CLASP1: variants seen among roughly 807,000 people sequenced by gnomAD.
CLASP1 encodes the protein cytoplasmic linker associated protein 1, also known as CLIP-associating protein 1.
CLASP1 carries 38 observed loss-of-function variants against 192.3 expected under a neutral mutation model. The ratio of observed to expected loss-of-function variants is 0.20; its 90% confidence interval spans 0.15 to 0.26. The LOEUF (loss-of-function observed/expected upper bound fraction) is 0.26. CLASP1 is among the 10% of genes least tolerant of loss of function. The probability of loss-of-function intolerance (pLI) is 1.00; values close to 1 mark genes in which losing one functional copy is unlikely to be tolerated. For missense variants in CLASP1, 1,433 were observed against 1,932.5 expected, an observed-to-expected ratio of 0.74 and a Z score of 4.85; for synonymous variants, 691 against 712.8, an observed-to-expected ratio of 0.97 and a Z score of 0.49.
intron 8 of CLASP1, among the ~76,000 whole-genome samples, chr2:121,499,345 A>G (rs1044286349): frequency 6.6e-6 from 1 of 152,206 alleles, no homozygotes; most frequent in Non-Finnish European, 1.5e-5. Context: ...TATGATTCCA[A>G]TTATACAAAA....
chr2:121,469,746 C>T, intron 9 of CLASP1, 62 bp downstream of exon 9: 9 of 1,517,250 alleles, frequency 5.9e-6, no homozygotes, highest in Non-Finnish European at 7.1e-6. Flanking sequence ...CAAGTACGTG[C>T]ACCTCTGGTT....
At chr2:121,503,119 G>T in intron 8 of CLASP1, 48 bp downstream of exon 8, 1 of 1,143,478 alleles carries the variant, frequency 8.7e-7, no homozygotes, top group Non-Finnish European at 1.3e-6. Flanking sequence ...TAAATGATGC[G>T]AATGTAAAAC....
chr2:121,500,342 GAAA>G (rs758763690), intron 8 of CLASP1, among the ~76,000 whole-genome samples: 1 of 88,822 alleles, frequency 1.1e-5, no homozygotes, highest in East Asian at 3.9e-4. Context: ...AGGAAAGAAA[GAAA>G]AAGAAAGAAA....
At chr2:121,470,061 G>A (rs1290124071) in intron 8 of CLASP1, 101 bp from the exon 9 acceptor site, 2 of 963,794 alleles carry the variant, frequency 2.1e-6, no homozygotes, top group East Asian at 5.3e-5. Context: ...TAGTCTTCGA[G>A]ACTGATTCTG....
At chr2:121,647,771 C>T (rs2073436800) in intron 1 of CLASP1, among the ~76,000 whole-genome samples, 1 of 152,204 alleles carries the variant, frequency 6.6e-6, no homozygotes, top group South Asian at 2.1e-4. Context: ...AGTTGTAACA[C>T]AGAGATACAA....
At chr2:121,377,425 T>TG in intron 34 of CLASP1, 74 bp downstream of exon 35, 1 of 1,006,936 alleles carries the variant, frequency 9.9e-7, no homozygotes, top group Non-Finnish European at 1.5e-6. Context: ...GTAATCATGA[T>TG]GGTCAGTGTT....
intron 2 of CLASP1, among the ~76,000 whole-genome samples, chr2:121,588,173 CAAAAAAAAAAAA>C (rs397769809): frequency 1.1e-4 from 7 of 61,066 alleles, no homozygotes; most frequent in African/African-American, 2.8e-4. Flanking sequence ...GACTCCGTCT[CAAAAAAAAAAAA>C]AAAAAAAAAA....
At chr2:121,413,814 C>A (rs998185410) in intron 23 of CLASP1, among the ~76,000 whole-genome samples, 3 of 152,056 alleles carry the variant, frequency 2.0e-5, no homozygotes, top group African/African-American at 7.2e-5. Flanking sequence ...ATATCCATGC[C>A]CCCTTGCCCC....
At chr2:121,628,249 A>C (rs1045632149) in intron 1 of CLASP1, among the ~76,000 whole-genome samples, 9 of 152,234 alleles carry the variant, frequency 5.9e-5, no homozygotes, top group African/African-American at 2.2e-4. Context: ...CTCGGTTTCC[A>C]AAACGAGTTA....
intron 2 of CLASP1, among the ~76,000 whole-genome samples, chr2:121,546,255 C>T (rs1400657008): frequency 1.3e-5 from 2 of 151,700 alleles, no homozygotes; most frequent in African/African-American, 2.4e-5. Flanking sequence ...GAAACACACA[C>T]GTACCCTATG....
At chr2:121,521,445 G>A (rs369765502) in intron 6 of CLASP1, among the ~76,000 whole-genome samples, 2 of 152,178 alleles carry the variant, frequency 1.3e-5, no homozygotes, top group African/African-American at 4.8e-5. Flanking sequence ...GAGAGCTCTA[G>A]GAGGCAATGC....
intron 19 of CLASP1, among the ~76,000 whole-genome samples, chr2:121,443,103 C>A (rs2083633386): frequency 6.6e-6 from 1 of 152,058 alleles, no homozygotes; most frequent in South Asian, 2.1e-4. Flanking sequence ...CCTGTGCAGC[C>A]CCAGTACACA....
At chr2:121,467,572 T>A (rs2089892901) in intron 9 of CLASP1, among the ~76,000 whole-genome samples, 1 of 152,214 alleles carries the variant, frequency 6.6e-6, no homozygotes, top group Non-Finnish European at 1.5e-5. Flanking sequence ...TGAGCTTTTT[T>A]TCATGTTTGT....
chr2:121,649,036 G>A (rs1368838039), intron 1 of CLASP1, among the ~76,000 whole-genome samples: 1 of 152,128 alleles, frequency 6.6e-6, no homozygotes, highest in Non-Finnish European at 1.5e-5. Context: ...CTCCCACCCG[G>A]CAGGGGAGAC....
chr2:121,425,421 A>G (rs1357658407), intron 21 of CLASP1, 115 bp from the exon 22 acceptor site: 1 of 832,642 alleles, frequency 1.2e-6, no homozygotes, highest in Non-Finnish European at 1.8e-6. Flanking sequence ...AATTTTATAT[A>G]AAAATAAATT....
At chr2:121,474,272 C>T (rs529396126) in intron 8 of CLASP1, among the ~76,000 whole-genome samples, 2 of 152,282 alleles carry the variant, frequency 1.3e-5, no homozygotes, top group East Asian at 3.9e-4. Flanking sequence ...ACAGGGAAGG[C>T]ATGAAGAAAA....
intron 28 of CLASP1, among the ~76,000 whole-genome samples, chr2:121,399,195 T>C (rs1217700889): frequency 6.6e-6 from 1 of 152,050 alleles, no homozygotes; most frequent in South Asian, 2.1e-4. Flanking sequence ...ATGAAGCAAA[T>C]AGAACTGGTT....
chr2:121,340,928 T>C (rs769530896), exon 40 of CLASP1: 1 of 1,608,160 alleles, frequency 6.2e-7, no homozygotes, highest in Non-Finnish European at 8.5e-7. Flanking sequence ...CCTCTTTATG[T>C]ATAAGTTTAG....
At position 121,430,196 on chromosome 2, in the gene CLASP1, A is replaced by T. The variant is rs746034932; in HGVS notation, c.1913-19T>A. The stretch of plus-strand genomic sequence containing the variant: ...ATCCGACCTGGAGGACACAGCAAAA[A>T]CAGTGTTTCACAACATTTCCAGTAA... On this transcript the variant is annotated intron_variant, in intron 19 of 39. Transcript: ENST00000263710. The T allele has an allele frequency of 1.0e-5, 16 of 1,532,220 alleles. No homozygotes were observed. The highest frequency in any genetic ancestry group is 2.0e-5 in the Admixed American group (1 of 50,898). 94.9% of individuals were successfully genotyped at this position (1,532,220 alleles called of 1,614,324 possible).
Sources: gnomAD v4.1 joint callset for allele counts (sites outside exome capture counted in the v4.1 genomes callset) on GRCh38, gnomAD v4.1.1 for gene constraint, MANE v1.5 for transcripts, NCBI Gene and HGNC (gene_info 2026-07-23, HGNC 2026-07-21) for gene names.